The following SOX4 variants were observed in gnomAD, a reference collection of about 807,000 sequenced individuals.
SOX4 encodes the protein SRY-box transcription factor 4.
For missense variants in SOX4, 662 were observed against 694.9 expected, an observed-to-expected ratio of 0.95 and a Z score of 0.53; for synonymous variants, 465 against 348.4, an observed-to-expected ratio of 1.33 and a Z score of -3.73.
In SOX4 at chr6:21,597,344, C is replaced by G. The variant is rs1763188897; in HGVS notation, c.*1385C>G. On this transcript the variant is annotated 3_prime_UTR_variant, in exon 1 of 1. Transcript: ENST00000244745. The stretch of plus-strand genomic sequence containing the variant: ...AATGAGAAGACGTGTTTTTTTCCTT[C>G]ACCGATGCTCCATCCTCGTATTTCT... 1 of 167,020 alleles carries G rather than the reference C, an allele frequency of 6.0e-6. No homozygotes were observed. Among genetic ancestry groups the G allele is most frequent in the Middle Eastern group, 3.4e-3 (1 of 296 alleles). 10.3% of individuals were successfully genotyped at this position (167,020 alleles called of 1,614,324 possible).
rs1214764750 is a variant in SOX4 at position 21,597,526 on chromosome 6, T to TTC, written c.*1568_*1569insCT. On this transcript the variant is annotated 3_prime_UTR_variant, in exon 1 of 1. Coordinates refer to ENST00000244745, the MANE Select transcript of SOX4 (RefSeq NM_003107.3). Reference sequence around the variant, plus strand: ...TCCTTTTTTTCTTTTTTTTTTCTTTTTTTTTTTTTTTTTTTGGTAGTTGTT... The same window carrying TTC: ...TCCTTTTTTTCTTTTTTTTTTCTTTTTCTTTTTTTTTTTTTTTGGTAGTTGTT... 8.9e-5 allele frequency: 9 copies of TTC among 100,952 alleles called. No homozygotes were observed. Among genetic ancestry groups the TTC allele is most frequent in the African/African-American group, 2.7e-4 (8 of 29,950 alleles). The allele number at this position is 100,952 out of a possible 1,614,324, so 6.3% of individuals were successfully genotyped here. A position where few individuals can be genotyped will look rare whatever the true frequency, so the allele number is the denominator to read the frequency against.
At position 21,595,643 on chromosome 6, in the gene SOX4, C is replaced by T; in HGVS notation, c.1109C>T (p.Ala370Val). The stretch of plus-strand genomic sequence containing the variant: ...GCCAGCCTGCGCGCCGCCTCGCCCG[C>T]CCCGTCCAGCGCGCCCTCGCACGCG... ...GYASLRAASPAPSSAPSHASS... is the reference protein window; with the variant it reads ...GYASLRAASPVPSSAPSHASS... The change falls in exon 1 of 1, where the codon GCC (alanine) becomes GTC (valine). Residue 370 changes from alanine to valine, a missense_variant. Physicochemically the swap from Ala to Val is moderately conservative, Grantham distance 64 (BLOSUM62 0). Coordinates refer to ENST00000244745, the MANE Select transcript of SOX4 (RefSeq NM_003107.3). The T allele has an allele frequency of 6.7e-7, 1 of 1,487,312 alleles. No homozygotes were observed. Among genetic ancestry groups the T allele is most frequent in the South Asian group, 1.3e-5 (1 of 78,394 alleles). The allele number at this position is 1,487,312 out of a possible 1,614,324, so 92.1% of individuals were successfully genotyped here.
At position 21,595,055 on chromosome 6, in the gene SOX4, G is replaced by A. The variant is rs1451600541; in HGVS notation, c.521G>A (p.Ser174Asn). ...CATGGGGGCGGCGGCGGCGGCGGGA[G>A]CAGCAACGCGGGGGGAGGAGGCGGC... ...GGHGGGGGGG[S>N]SNAGGGGGGA... The change falls in exon 1 of 1, where the codon AGC (serine) becomes AAC (asparagine). Residue 174 changes from serine (S) to asparagine (N), a missense_variant. Physicochemically the swap from Ser to Asn is conservative, Grantham distance 46. Transcript: ENST00000244745. 2 of 1,429,138 alleles carry A rather than the reference G, an allele frequency of 1.4e-6. No homozygotes were observed. Among genetic ancestry groups the A allele is most frequent in the East Asian group, 2.7e-5 (1 of 36,774 alleles). The allele number at this position is 1,429,138 out of a possible 1,614,324, so 88.5% of individuals were successfully genotyped here.
chr6:21,595,566 C>T lies in SOX4; in HGVS notation c.1032C>T (p.Ser344=), dbSNP rs1163359044. ...PDAPSLSGRS[S]AASSPAAGRS... ...CGCCCAGCCTGAGCGGCCGCAGCAG[C>T]GCCGCCTCGTCCCCCGCCGCCGGCC... The change falls in exon 1 of 1, where the codon AGC becomes AGT. Residue 344 remains serine, a synonymous_variant. Transcript: ENST00000244745. The T allele has an allele frequency of 1.4e-5, 17 of 1,199,266 alleles. No homozygotes were observed. Among genetic ancestry groups the T allele is most frequent in the Non-Finnish European group, 1.8e-5 (17 of 969,570 alleles). The allele number at this position is 1,199,266 out of a possible 1,614,324, so 74.3% of individuals were successfully genotyped here.
rs1334099693 is a variant in SOX4 at position 21,594,732 on chromosome 6, C to T, written c.198C>T (p.Phe66=). The stretch of plus-strand genomic sequence containing the variant: ...ACATCAAGCGACCCATGAACGCCTT[C>T]ATGGTGTGGTCGCAGATCGAGCGGC... ...SGHIKRPMNA[F]MVWSQIERRK... Residue 66 remains phenylalanine, a synonymous_variant, in exon 1 of 1, where the codon TTC becomes TTT. Coordinates refer to ENST00000244745, the MANE Select transcript of SOX4 (RefSeq NM_003107.3). The T allele has an allele frequency of 1.9e-6, 3 of 1,596,026 alleles. No individual in the cohort carries two copies. The highest frequency in any genetic ancestry group is 2.3e-5 in the South Asian group (2 of 88,702).
In SOX4 at chr6:21,594,364, T is replaced by TA; in HGVS notation, c.-171_-170insA. ...CCTTCCCCAAATCTTTTGGGGACTT[T>TA]TCTCTCTTTACCCACCTCCGCCCCT... is the stretch of plus-strand genomic sequence containing the variant. On this transcript the variant is annotated 5_prime_UTR_variant, in exon 1 of 1. Coordinates refer to ENST00000244745, the MANE Select transcript of SOX4 (RefSeq NM_003107.3). 1.3e-6 allele frequency: 1 copy of TA among 770,840 alleles called. No homozygotes were observed. The highest frequency in any genetic ancestry group is 1.8e-6 in the Non-Finnish European group (1 of 557,624). 47.8% of individuals were successfully genotyped at this position (770,840 alleles called of 1,614,324 possible).
rs1763217993 is a variant in SOX4 at position 21,598,409 on chromosome 6, AC to A, written c.*2451del. ...TTCCGTTAAGGGTTTTTGTTTTTAAACTTTTTTTTGCCATCCATCCTGTGCA... is the reference window on the plus strand; with the variant it reads ...TTCCGTTAAGGGTTTTTGTTTTTAAATTTTTTTTGCCATCCATCCTGTGCA... On this transcript the variant is annotated 3_prime_UTR_variant, in exon 1 of 1. Coordinates refer to ENST00000244745, the MANE Select transcript of SOX4 (RefSeq NM_003107.3). The A allele has an allele frequency of 6.0e-6, 1 of 167,086 alleles. No individual in the cohort carries two copies. The highest frequency in any genetic ancestry group is 6.5e-5 in the Admixed American group (1 of 15,278). 10.4% of individuals were successfully genotyped at this position (167,086 alleles called of 1,614,324 possible).
In SOX4 at chr6:21,595,358, C is replaced by A; in HGVS notation, c.824C>A (p.Ala275Asp). 6.5e-7 allele frequency: 1 copy of A among 1,528,862 alleles called. No individual in the cohort carries two copies. Among genetic ancestry groups the A allele is most frequent in the Non-Finnish European group, 8.7e-7 (1 of 1,147,454 alleles). 94.7% of individuals were successfully genotyped at this position (1,528,862 alleles called of 1,614,324 possible). A position where few individuals can be genotyped will look rare whatever the true frequency, so the allele number is the denominator to read the frequency against. Reference sequence around the variant, plus strand: ...GCCTCGGCCTCCGCCTCCTCGGCAGCCTCGGCCTCCGCAGCGCTCGCGGCC... The same window carrying A: ...GCCTCGGCCTCCGCCTCCTCGGCAGACTCGGCCTCCGCAGCGCTCGCGGCC... ...PSASASASSA[A>D]SASAALAAPG... Residue 275 changes from alanine (A) to aspartate (D), a missense_variant, in exon 1 of 1, where the codon GCC becomes GAC. Coordinates refer to ENST00000244745, the MANE Select transcript of SOX4 (RefSeq NM_003107.3).
chr6:21,595,381 G>C lies in SOX4; in HGVS notation c.847G>C (p.Ala283Pro), dbSNP rs766772667. The C allele has an allele frequency of 6.5e-7, 1 of 1,537,192 alleles. No homozygotes were observed. Among genetic ancestry groups the C allele is most frequent in the South Asian group, 1.2e-5 (1 of 85,362 alleles). The change falls in exon 1 of 1, where the codon GCC (alanine) becomes CCC (proline). Residue 283 changes from alanine to proline, a missense_variant. Physicochemically the swap from Ala to Pro is conservative, Grantham distance 27. Transcript: ENST00000244745. ...AGCCTCGGCCTCCGCAGCGCTCGCG[G>C]CCCCGGGCAAGCACCTGGCGGAGAA... ...SAASASAALA[A>P]PGKHLAEKKV...
Position 21,597,406 on chromosome 6 carries a change from G to A in SOX4, c.*1447G>A, listed in dbSNP as rs1328268470. The A allele has an allele frequency of 1.2e-5, 2 of 165,864 alleles. No homozygotes were observed. Among genetic ancestry groups the A allele is most frequent in the African/African-American group, 4.9e-5 (2 of 41,094 alleles). 10.3% of individuals were successfully genotyped at this position (165,864 alleles called of 1,614,324 possible). A position where few individuals can be genotyped will look rare whatever the true frequency, so the allele number is the denominator to read the frequency against. Reference sequence around the variant, plus strand: ...AATGTAATCAGATGCCATTTTATATGTGGACGTATTTATACTGGCCAAACA... The same window carrying A: ...AATGTAATCAGATGCCATTTTATATATGGACGTATTTATACTGGCCAAACA... On this transcript the variant is annotated 3_prime_UTR_variant, in exon 1 of 1. Transcript: ENST00000244745.
rs1459833552 is a variant in SOX4, at chr6:21,595,529, G to A, written c.995G>A (p.Cys332Tyr). The A allele has an allele frequency of 8.1e-6, 10 of 1,235,376 alleles. No homozygotes were observed. The South Asian group carries it at 2.2e-4, about 27-fold the overall frequency. 76.5% of individuals were successfully genotyped at this position (1,235,376 alleles called of 1,614,324 possible). The change falls in exon 1 of 1, where the codon TGC becomes TAC. Residue 332 changes from cysteine to tyrosine, a missense_variant. Physicochemically the swap from Cys to Tyr is radical, Grantham distance 194. Coordinates refer to ENST00000244745, the MANE Select transcript of SOX4 (RefSeq NM_003107.3). ...CTGTACGAGGAGGAGGGCGCGGGCT[G>A]CTCGCCCGACGCGCCCAGCCTGAGC... ...LGLYEEEGAG[C>Y]SPDAPSLSGR...
At position 21,595,616 on chromosome 6, in the gene SOX4, A is replaced by G. The variant is rs1384081551; in HGVS notation, c.1082A>G (p.Tyr361Cys). ...CGCTCGCCCGCCGACCACCGCGGCT[A>G]CGCCAGCCTGCGCGCCGCCTCGCCC... ...AGRSPADHRG[Y>C]ASLRAASPAP... Residue 361 changes from tyrosine (Y) to cysteine (C), a missense_variant, in exon 1 of 1, where the codon TAC becomes TGC. Transcript: ENST00000244745. The G allele has an allele frequency of 6.7e-6, 9 of 1,342,326 alleles. No homozygotes were observed. The highest frequency in any genetic ancestry group is 8.7e-6 in the Non-Finnish European group (9 of 1,040,190). 83.2% of individuals were successfully genotyped at this position (1,342,326 alleles called of 1,614,324 possible).
rs1763124582 is a variant in SOX4 at position 21,595,550 on chromosome 6, T to C, written c.1016T>C (p.Leu339Pro). 8.3e-7 allele frequency: 1 copy of C among 1,208,660 alleles called. No homozygotes were observed. The highest frequency in any genetic ancestry group is 4.4e-5 in the Admixed American group (1 of 22,482). 74.9% of individuals were successfully genotyped at this position (1,208,660 alleles called of 1,614,324 possible). A position where few individuals can be genotyped will look rare whatever the true frequency, so the allele number is the denominator to read the frequency against. Residue 339 changes from leucine to proline, a missense_variant, in exon 1 of 1, where the codon CTG becomes CCG. Transcript: ENST00000244745. Reference sequence around the variant, plus strand: ...GGCTGCTCGCCCGACGCGCCCAGCCTGAGCGGCCGCAGCAGCGCCGCCTCG... The same window carrying C: ...GGCTGCTCGCCCGACGCGCCCAGCCCGAGCGGCCGCAGCAGCGCCGCCTCG... The part of the protein sequence containing the change: ...GAGCSPDAPS[L>P]SGRSSAASSP...
Position 21,596,416 on chromosome 6 carries a change from TCAC to T in SOX4, c.*462_*464del, listed in dbSNP as rs1307155864. ...TTGAAGGAGTCTCCCCCTTCCTGCA[TCAC>T]CACCTTGGTTTTGTTTTATTTTGCT... On this transcript the variant is annotated 3_prime_UTR_variant, in exon 1 of 1. Coordinates refer to ENST00000244745, the MANE Select transcript of SOX4 (RefSeq NM_003107.3). 6.0e-6 allele frequency: 1 copy of T among 167,806 alleles called. No homozygotes were observed. The highest frequency in any genetic ancestry group is 6.5e-5 in the Admixed American group (1 of 15,300). The allele number at this position is 167,806 out of a possible 1,614,324, so 10.4% of individuals were successfully genotyped here. A position where few individuals can be genotyped will look rare whatever the true frequency, so the allele number is the denominator to read the frequency against.
rs1297727132 is a variant in SOX4, at chr6:21,595,613, G to A, written c.1079G>A (p.Gly360Asp). 1.6e-6 allele frequency: 2 copies of A among 1,281,890 alleles called. No homozygotes were observed. Among genetic ancestry groups the A allele is most frequent in the Non-Finnish European group, 2.0e-6 (2 of 1,012,808 alleles). 79.4% of individuals were successfully genotyped at this position (1,281,890 alleles called of 1,614,324 possible). A position where few individuals can be genotyped will look rare whatever the true frequency, so the allele number is the denominator to read the frequency against. ...GGCCGCTCGCCCGCCGACCACCGCG[G>A]CTACGCCAGCCTGCGCGCCGCCTCG... Reference protein sequence around the residue: ...AAGRSPADHRGYASLRAASPA... With the variant: ...AAGRSPADHRDYASLRAASPA... Residue 360 changes from glycine (G) to aspartate (D), a missense_variant, in exon 1 of 1, where the codon GGC becomes GAC. By Grantham distance (94) the Gly-to-Asp change is moderately conservative. Transcript: ENST00000244745.
rs1763118743 is a variant in SOX4, at chr6:21,595,420, G to A, written c.886G>A (p.Val296Ile). 2.0e-6 allele frequency: 3 copies of A among 1,527,010 alleles called. No homozygotes were observed. Among genetic ancestry groups the A allele is most frequent in the East Asian group, 2.7e-5 (1 of 36,946 alleles). 94.6% of individuals were successfully genotyped at this position (1,527,010 alleles called of 1,614,324 possible). The part of the protein sequence containing the change: ...KHLAEKKVKR[V>I]YLFGGLGTSS... Reference sequence around the variant, plus strand: ...CCTGGCGGAGAAGAAGGTGAAGCGCGTCTACCTGTTCGGCGGCCTGGGCAC... The same window carrying A: ...CCTGGCGGAGAAGAAGGTGAAGCGCATCTACCTGTTCGGCGGCCTGGGCAC... Residue 296 changes from valine (V) to isoleucine (I), a missense_variant, in exon 1 of 1, where the codon GTC becomes ATC. By Grantham distance (29) the Val-to-Ile change is conservative. Transcript: ENST00000244745.
In SOX4 at chr6:21,597,106, A is replaced by G. The variant is rs898773940; in HGVS notation, c.*1147A>G. The G allele has an allele frequency of 6.0e-6, 1 of 166,668 alleles. No individual in the cohort carries two copies. Among genetic ancestry groups the G allele is most frequent in the Non-Finnish European group, 1.5e-5 (1 of 68,114 alleles). The allele number at this position is 166,668 out of a possible 1,614,324, so 10.3% of individuals were successfully genotyped here. The stretch of plus-strand genomic sequence containing the variant: ...TCTATCTTTTAAAGATTTCTGTATA[A>G]GACTGTTGAGCAGTTTTTAAAATAG... On this transcript the variant is annotated 3_prime_UTR_variant, in exon 1 of 1. Coordinates refer to ENST00000244745, the MANE Select transcript of SOX4 (RefSeq NM_003107.3).
rs1053982333 is a variant in SOX4, at chr6:21,595,707, C to T, written c.1173C>T (p.Ser391=). ...SASSHSSSSS[S]SGSSSSDDEF... ...CGTCCCACTCCTCCTCTTCCTCCTC[C>T]TCGGGCTCCTCGTCCTCCGACGACG... Residue 391 remains serine, a synonymous_variant, in exon 1 of 1, where the codon TCC becomes TCT. Transcript: ENST00000244745. 3 of 1,603,858 alleles carry T rather than the reference C, an allele frequency of 1.9e-6. No homozygotes were observed. Among genetic ancestry groups the T allele is most frequent in the Non-Finnish European group, 2.6e-6 (3 of 1,175,696 alleles).
Position 21,596,068 on chromosome 6 carries a change from A to C in SOX4, c.*109A>C. On this transcript the variant is annotated 3_prime_UTR_variant, in exon 1 of 1. Coordinates refer to ENST00000244745, the MANE Select transcript of SOX4 (RefSeq NM_003107.3). ...AAGAGTTTAAAGAGAAAAGGGAAAA[A>C]AGAAAGAAAAAGTAAGCAGGGCTGG... The C allele has an allele frequency of 7.3e-7, 1 of 1,361,512 alleles. No individual in the cohort carries two copies. The highest frequency in any genetic ancestry group is 3.6e-5 in the Admixed American group (1 of 28,014). The allele number at this position is 1,361,512 out of a possible 1,614,324, so 84.3% of individuals were successfully genotyped here. A position where few individuals can be genotyped will look rare whatever the true frequency, so the allele number is the denominator to read the frequency against.
Sources: allele counts gnomAD v4.1 joint callset, GRCh38; gene constraint gnomAD v4.1.1; transcripts MANE v1.5; gene names NCBI Gene and HGNC (gene_info 2026-07-23, HGNC 2026-07-21).